Variants in RERE observed in about 807,000 individuals in gnomAD.
RERE encodes arginine-glutamic acid dipeptide repeats protein.
A neutral mutation model predicts 146.1 loss-of-function variants in RERE; 40 were observed. The ratio of observed to expected loss-of-function variants is 0.27; its 90% CI spans 0.21 to 0.36. The LOEUF (loss-of-function observed/expected upper bound fraction) is 0.36. Ranked by LOEUF, RERE falls within the 10% of genes least tolerant of loss-of-function variation. The pLI is 1.00. For synonymous variants in RERE, 1,003 were observed against 866.0 expected (o/e 1.16, Z -2.78); for missense variants, 1,933 against 2,138.7 (o/e 0.90, Z 1.90).
At chr1:8,455,299 T>C (rs776266536) in intron 11 of RERE, among the ~76,000 whole-genome samples, 3 of 152,082 alleles carry the variant, frequency 2.0e-5, no homozygotes, top group Non-Finnish European at 2.9e-5. Flanking sequence ...TGGAGTGCAG[T>C]GGCGAGATCA....
intron 7 of RERE, among the ~76,000 whole-genome samples, chr1:8,539,260 A>G (rs747244457): frequency 2.6e-5 from 4 of 152,250 alleles, no homozygotes; most frequent in African/African-American, 7.2e-5. Context: ...GGTAGCCAAT[A>G]AATGCATATG....
chr1:8,414,108 C>T (rs528093250), intron 12 of RERE, among the ~76,000 whole-genome samples: 1 of 148,924 alleles, frequency 6.7e-6, no homozygotes, highest in East Asian at 2.0e-4. Flanking sequence ...TCAGAGAAGA[C>T]CCCTGGCCCA....
At chr1:8,359,452 T>C (rs952982953) in intron 19 of RERE, among the ~76,000 whole-genome samples, 4 of 152,168 alleles carry the variant, frequency 2.6e-5, no homozygotes. Context: ...CCCGACTCCT[T>C]CAAATTACTT....
At chr1:8,403,198 A>G (rs1275194110) in intron 12 of RERE, among the ~76,000 whole-genome samples, 2 of 152,024 alleles carry the variant, frequency 1.3e-5, no homozygotes, top group Admixed American at 6.5e-5. Context: ...CGCCCGGCCA[A>G]TGATCCAGTC....
intron 7 of RERE, among the ~76,000 whole-genome samples, chr1:8,528,314 T>C (rs978545460): frequency 1.3e-5 from 2 of 152,194 alleles, no homozygotes; most frequent in African/African-American, 4.8e-5. Context: ...GACACAACAA[T>C]TAAATGAGGC....
intron 4 of RERE, among the ~76,000 whole-genome samples, chr1:8,591,438 A>AG (rs927073876): frequency 3.3e-5 from 5 of 151,994 alleles, no homozygotes; most frequent in East Asian, 3.9e-4. Context: ...TAAAAAAAAA[A>AG]AAAAGAAAAG....
intron 7 of RERE, among the ~76,000 whole-genome samples, chr1:8,514,717 T>C (rs1025969618): frequency 7.0e-6 from 1 of 143,560 alleles, no homozygotes; most frequent in Non-Finnish European, 1.5e-5. Context: ...AAAAAAAGAA[T>C]GAAACTCCGC....
chr1:8,802,327 T>G (rs1331011408), intron 1 of RERE, among the ~76,000 whole-genome samples: 1 of 152,174 alleles, frequency 6.6e-6, no homozygotes, highest in Non-Finnish European at 1.5e-5. Flanking sequence ...ATTACCTGAG[T>G]TGAAAAAACT....
intron 1 of RERE, among the ~76,000 whole-genome samples, chr1:8,707,741 C>T (rs1639585282): frequency 6.6e-6 from 1 of 152,106 alleles, no homozygotes; most frequent in Non-Finnish European, 1.5e-5. Context: ...TGACTGAATC[C>T]AGGATTGTAT....
chr1:8,708,846 A>G lies in RERE; in HGVS notation c.-144-52405T>C, dbSNP rs905562599. The stretch of plus-strand genomic sequence containing the variant: ...ATGGAGTTACAATTTTAAGCAAACT[A>G]TCTACTTCTTTTGCTTTTCCAACTC... On this transcript the variant is annotated intron_variant, in intron 1 of 22. Transcript: ENST00000400908. 4.6e-5 allele frequency among the ~76,000 whole-genome samples: 7 copies of G among 150,864 alleles called. No homozygotes were observed. The South Asian group carries it at 6.3e-4, about 13-fold the overall frequency.
At chr1:8,645,297 C>G (rs1410121706) in intron 2 of RERE, among the ~76,000 whole-genome samples, 1 of 152,132 alleles carries the variant, frequency 6.6e-6, no homozygotes, top group Non-Finnish European at 1.5e-5. Flanking sequence ...CTGCAGCCAC[C>G]TCTGTTCTTC....
chr1:8,577,414 T>A (rs1465054640), intron 4 of RERE, among the ~76,000 whole-genome samples: 1 of 152,146 alleles, frequency 6.6e-6, no homozygotes, highest in East Asian at 1.9e-4. Context: ...GGAACCTGCA[T>A]CAGCCATATA....
intron 1 of RERE, among the ~76,000 whole-genome samples, chr1:8,759,110 G>C (rs1640703288): frequency 6.6e-6 from 1 of 151,842 alleles, no homozygotes; most frequent in African/African-American, 2.4e-5. Context: ...ACTCCATCTT[G>C]AAAAAATAAA....
Position 8,423,250 on chromosome 1 carries a change from AG to A in RERE, c.1204-444del, listed in dbSNP as rs772667170. 6.4e-6 allele frequency: 1 copy of A among 155,268 alleles called. No homozygotes were observed. Among genetic ancestry groups the A allele is most frequent in the African/African-American group, 2.4e-5 (1 of 41,432 alleles). The allele number at this position is 155,268 out of a possible 1,614,324, so 9.6% of individuals were successfully genotyped here. On this transcript the variant is annotated intron_variant, in intron 11 of 22. Transcript: ENST00000400908. The surrounding 1 kb of genome is among the most constrained non-coding windows in gnomAD (Gnocchi z 5.4). The stretch of plus-strand genomic sequence containing the variant: ...TGACTCTTCTCCAGAAGGGAACCCT[AG>A]GGGGTTAAAAGGCCGCTTTCCTTAA...
At chr1:8,790,507 A>G (rs1290647549) in intron 1 of RERE, among the ~76,000 whole-genome samples, 2 of 152,248 alleles carry the variant, frequency 1.3e-5, no homozygotes, top group Non-Finnish European at 1.5e-5. Flanking sequence ...GTATCAATTT[A>G]TAAGATGCTA....
chr1:8,495,313 T>C (rs1645031445), intron 9 of RERE, 151 bp from the exon 10 acceptor site: 1 of 157,530 alleles, frequency 6.3e-6, no homozygotes, highest in Non-Finnish European at 1.3e-5. Context: ...TCTGCTCCTA[T>C]TTTTTTTTTT....
intron 12 of RERE, among the ~76,000 whole-genome samples, chr1:8,369,843 G>A (rs1292705079): frequency 1.3e-5 from 2 of 152,082 alleles, no homozygotes; most frequent in Admixed American, 6.5e-5. Context: ...AGGCTGGAGT[G>A]CAGTGGCACG....
At chr1:8,574,982 G>C (rs147970964) in intron 4 of RERE, among the ~76,000 whole-genome samples, 4 of 152,098 alleles carry the variant, frequency 2.6e-5, no homozygotes, top group Non-Finnish European at 5.9e-5. Flanking sequence ...AGTCTAATTC[G>C]CAAATGCTAA....
intron 10 of RERE, among the ~76,000 whole-genome samples, chr1:8,480,128 G>GTTTTTTTTT (rs112068785): frequency 1.5e-5 from 2 of 135,224 alleles, no homozygotes; most frequent in Non-Finnish European, 3.1e-5. Context: ...GCCTTTTTTT[G>GTTTTTTTTT]TTTTTTTTTT....
Sources: gnomAD v4.1 joint callset for allele counts (sites outside exome capture counted in the v4.1 genomes callset) on GRCh38, gnomAD v4.1.1 for gene constraint, Gnocchi (gnomAD v3.1) non-coding constraint, MANE v1.5 for transcripts, NCBI Gene and HGNC (gene_info 2026-07-23, HGNC 2026-07-21) for gene names.